STAU1: variants seen among roughly 807,000 people sequenced by gnomAD.
STAU1 encodes the protein staufen double-stranded RNA binding protein 1.
Under a neutral mutation model 62.9 loss-of-function variants are expected in STAU1, and 13 were observed. That is an observed-to-expected ratio of 0.21 (90% CI 0.13 to 0.33). STAU1 has a LOEUF of 0.33. Among genes scored for constraint, STAU1 ranks in the 10% least tolerant of loss-of-function variants. The pLI, the probability that STAU1 is intolerant of heterozygous loss-of-function variation, is 1.00. For synonymous variants in STAU1, 269 were observed against 265.1 expected, an observed-to-expected ratio of 1.01 and a Z score of -0.14; for missense variants, 571 against 712.1, an observed-to-expected ratio of 0.80 and a Z score of 2.25.
intron 6 of STAU1, among the ~76,000 whole-genome samples, chr20:49,135,399 T>A (rs1417757899): frequency 2.0e-5 from 3 of 152,256 alleles, no homozygotes; most frequent in African/African-American, 7.2e-5. Context: ...AATGAAGTTA[T>A]TAAACAGGAA....
upstream of STAU1, among the ~76,000 whole-genome samples, chr20:49,189,730 T>G (rs906063974): frequency 3.3e-5 from 5 of 151,556 alleles, no homozygotes; most frequent in Admixed American, 2.6e-4. Context: ...GAACTGCAGG[T>G]GCACAGAGCT....
chr20:49,191,826 G>A (rs185135215), upstream of STAU1, among the ~76,000 whole-genome samples: 210 of 150,942 alleles, frequency 1.4e-3, 1 homozygote, highest in African/African-American at 4.9e-3. Flanking sequence ...CAAGGCAGGC[G>A]GATCTCTTGA....
At chr20:49,206,957 T>C in the STAU1 span, among the ~76,000 whole-genome samples, 1 of 151,428 alleles carries the variant, frequency 6.6e-6, no homozygotes, top group Admixed American at 6.6e-5. Context: ...GGTTTCACCA[T>C]GTTGGCCAGG....
intron 6 of STAU1, among the ~76,000 whole-genome samples, chr20:49,126,653 A>G (rs2092633808): frequency 6.7e-6 from 1 of 148,992 alleles, no homozygotes; most frequent in East Asian, 2.0e-4. Flanking sequence ...AAAGAAAAAT[A>G]GAAGACTTAC....
intron 3 of STAU1, among the ~76,000 whole-genome samples, chr20:49,161,721 C>T (rs2093451363): frequency 6.6e-6 from 1 of 152,112 alleles, no homozygotes; most frequent in Non-Finnish European, 1.5e-5. Context: ...AGTCAACTAG[C>T]AGTATATAAG....
intron 3 of STAU1, chr20:49,158,482 CAG>C: frequency 7.7e-7 from 1 of 1,304,614 alleles, no homozygotes; most frequent in Non-Finnish European, 1.0e-6. Flanking sequence ...AGGATTCCCT[CAG>C]TGCACGGCTT....
intron 2 of STAU1, among the ~76,000 whole-genome samples, chr20:49,170,494 G>C (rs1568922469): frequency 6.6e-6 from 1 of 152,094 alleles, no homozygotes; most frequent in East Asian, 1.9e-4. Flanking sequence ...GGAACTACAG[G>C]TGTGTACCAC....
chr20:49,159,804 T>C (rs348266), intron 3 of STAU1, among the ~76,000 whole-genome samples: 19,177 of 152,198 alleles, frequency 0.13, 1,944 homozygotes, highest in African/African-American at 0.29. Context: ...TCAAGTGATC[T>C]GTCGGCCTTG....
rs374044984 is a variant in STAU1 at position 49,118,434 on chromosome 20, A to C, written c.1114-26T>G. The C allele has an allele frequency of 1.6e-5, 25 of 1,540,304 alleles. No individual in the cohort carries two copies. In the African/African-American group the frequency reaches 2.8e-4, roughly 17 times the overall value. ...CTTAAAAAAGAAGAAGAAAAAAAAA[A>C]GGCCATGAGCATAAATCAGATCACT... On this transcript the variant is annotated intron_variant, in intron 9 of 13. Transcript: ENST00000371856.
At chr20:49,141,184 T>C (rs1262189930) in intron 5 of STAU1, among the ~76,000 whole-genome samples, 4 of 152,208 alleles carry the variant, frequency 2.6e-5, no homozygotes, top group African/African-American at 9.6e-5. Flanking sequence ...ATTTACAACC[T>C]ATTTCAAACA....
the STAU1 span, among the ~76,000 whole-genome samples, chr20:49,198,056 A>G: frequency 6.6e-6 from 1 of 152,210 alleles, no homozygotes; most frequent in Non-Finnish European, 1.5e-5. Flanking sequence ...AATAAGAAAA[A>G]CAAATGGGCA....
chr20:49,191,288 A>C (rs2093830949), upstream of STAU1, among the ~76,000 whole-genome samples: 1 of 152,114 alleles, frequency 6.6e-6, no homozygotes, highest in South Asian at 2.1e-4. Flanking sequence ...CGGCCTCCCA[A>C]GGTGCTGGGA....
At chr20:49,119,054 C>T (rs1055032977) in intron 9 of STAU1, among the ~76,000 whole-genome samples, 5 of 152,180 alleles carry the variant, frequency 3.3e-5, no homozygotes, top group Non-Finnish European at 7.3e-5. Flanking sequence ...ATATGACTGG[C>T]AGACATGAAT....
chr20:49,174,678 C>A (rs1185901705), intron 1 of STAU1, among the ~76,000 whole-genome samples: 1 of 152,196 alleles, frequency 6.6e-6, no homozygotes, highest in Non-Finnish European at 1.5e-5. Context: ...TGGCGCACGC[C>A]TGTAATCCCA....
At chr20:49,115,992 G>A (rs2092313790) in intron 12 of STAU1, 125 bp from the exon 13 acceptor site, 3 of 668,830 alleles carry the variant, frequency 4.5e-6, no homozygotes, top group South Asian at 1.9e-5. Flanking sequence ...TTCAACTCTG[G>A]TACTACTAAA....
At chr20:49,193,446 G>A in the STAU1 span, among the ~76,000 whole-genome samples, 1 of 152,190 alleles carries the variant, frequency 6.6e-6, no homozygotes, top group East Asian at 1.9e-4. Context: ...GCCAATGCCA[G>A]GGGATCACAA....
chr20:49,152,411 T>A (rs1439155336), intron 4 of STAU1, among the ~76,000 whole-genome samples: 1 of 145,206 alleles, frequency 6.9e-6, no homozygotes, highest in African/African-American at 2.6e-5. Context: ...TGGTGCGATC[T>A]CGGCTCACTG....
intron 3 of STAU1, among the ~76,000 whole-genome samples, chr20:49,160,144 A>G (rs893059705): frequency 6.6e-6 from 1 of 152,218 alleles, no homozygotes; most frequent in African/African-American, 2.4e-5. Context: ...ATGAGGAAAC[A>G]ACGACAACAA....
At chr20:49,181,432 A>C (rs939662261) in intron 1 of STAU1, among the ~76,000 whole-genome samples, 3 of 152,128 alleles carry the variant, frequency 2.0e-5, no homozygotes, top group African/African-American at 7.2e-5. Context: ...GACTAAAACC[A>C]ACCCACTCAC....
Sources: gnomAD v4.1 joint callset for allele counts (sites outside exome capture counted in the v4.1 genomes callset) on GRCh38, gnomAD v4.1.1 for gene constraint, MANE v1.5 for transcripts, NCBI Gene and HGNC (gene_info 2026-07-23, HGNC 2026-07-21) for gene names.